Variants in HSPA14 observed in about 807,000 individuals in gnomAD.
The protein encoded by HSPA14 is heat shock 70 kDa protein 14.
A neutral mutation model predicts 65.5 loss-of-function variants in HSPA14; 37 were observed. The observed-to-expected ratio is 0.56, with a 90% CI of 0.43 to 0.74. The LOEUF is 0.74. HSPA14 is among the 30% of genes least tolerant of loss of function. The pLI, the probability that HSPA14 is intolerant of heterozygous loss-of-function variation, is 0.00. For missense variants in HSPA14, 564 were observed against 607.6 expected (o/e 0.93, Z 0.75); for synonymous variants, 203 against 214.2 (o/e 0.95, Z 0.46).
At chr10:14,865,729 TTATAG>T (rs1470782743) in intron 10 of HSPA14, among the ~76,000 whole-genome samples, 2 of 152,188 alleles carry the variant, frequency 1.3e-5, no homozygotes, top group African/African-American at 2.4e-5. Flanking sequence ...TACTGTAGCG[TTATAG>T]TATAGTTTGA....
chr10:14,861,659 T>A (rs1832750964), intron 10 of HSPA14, among the ~76,000 whole-genome samples: 1 of 152,154 alleles, frequency 6.6e-6, no homozygotes, highest in Non-Finnish European at 1.5e-5. Context: ...TTGTTCCTTT[T>A]ATTAGGGGAA....
intron 3 of HSPA14, chr10:14,846,687 A>G: frequency 3.1e-6 from 3 of 964,416 alleles, no homozygotes; most frequent in Non-Finnish European, 3.7e-6. Context: ...TGTGAGGATC[A>G]AAGGAACAGA....
chr10:14,860,524 G>C (rs1201786097), intron 10 of HSPA14, among the ~76,000 whole-genome samples: 2 of 152,158 alleles, frequency 1.3e-5, no homozygotes, highest in African/African-American at 4.8e-5. Context: ...TTTGATCAGA[G>C]TCCTGAATGA....
intron 3 of HSPA14, chr10:14,846,973 G>T: frequency 1.0e-6 from 1 of 985,368 alleles, no homozygotes; most frequent in Non-Finnish European, 1.2e-6. Context: ...TCCTGGTGTG[G>T]ACAAATAAAG....
At chr10:14,870,447 C>A in intron 12 of HSPA14, 150 bp from the exon 13 acceptor site, 1 of 779,678 alleles carries the variant, frequency 1.3e-6, no homozygotes, top group Non-Finnish European at 1.9e-6. Flanking sequence ...TCTCTGAATT[C>A]TGATTCAGTG....
chr10:14,843,795 A>C, intron 3 of HSPA14: 1 of 1,536,328 alleles, frequency 6.5e-7, no homozygotes, highest in South Asian at 1.2e-5. Flanking sequence ...CTGTCATCGC[A>C]GTCAGACGTT....
At chr10:14,862,174 CCT>C (rs1832755614) in intron 10 of HSPA14, among the ~76,000 whole-genome samples, 1 of 150,328 alleles carries the variant, frequency 6.7e-6, no homozygotes, top group Admixed American at 6.6e-5. Flanking sequence ...CTAACAGGCG[CCT>C]GCCACCACAC....
At chr10:14,848,487 A>G (rs1834081480) in intron 3 of HSPA14, 122 bp from the exon 4 acceptor site, 1 of 638,408 alleles carries the variant, frequency 1.6e-6, no homozygotes, top group Admixed American at 2.9e-5. Flanking sequence ...AAGCAGCTTA[A>G]TAACTTTGTT....
chr10:14,869,236 T>TAC (rs1832833540), intron 12 of HSPA14, among the ~76,000 whole-genome samples: 1 of 106,128 alleles, frequency 9.4e-6, no homozygotes, highest in Non-Finnish European at 2.1e-5. Context: ...CGTGTACGTG[T>TAC]GTGTGTGTGT....
At chr10:14,851,049 T>C (rs1014929771) in intron 6 of HSPA14, 170 bp from the exon 7 acceptor site, 6 of 559,300 alleles carry the variant, frequency 1.1e-5, no homozygotes, top group African/African-American at 3.8e-5. Flanking sequence ...TGATCTCTTA[T>C]AGTCATTCAT....
chr10:14,848,731 G>A, intron 4 of HSPA14, 59 bp from the exon 5 acceptor site: 2 of 1,457,122 alleles, frequency 1.4e-6, no homozygotes, highest in Non-Finnish European at 1.9e-6. Flanking sequence ...ATGTTGATTT[G>A]AAACTTTGCA....
intron 6 of HSPA14, among the ~76,000 whole-genome samples, chr10:14,850,360 T>C (rs1322279054): frequency 1.3e-5 from 2 of 152,252 alleles, no homozygotes; most frequent in African/African-American, 2.4e-5. Context: ...CCAGGTTAAA[T>C]TGACATTTAT....
chr10:14,854,199 ATTCT>A lies in HSPA14; in HGVS notation c.812_815del (p.Ser271CysfsTer41). 6.2e-7 allele frequency: 1 copy of A among 1,613,818 alleles called. No homozygotes were observed. The highest frequency in any genetic ancestry group is 8.5e-7 in the Non-Finnish European group (1 of 1,179,856). On this transcript the variant is annotated frameshift_variant, in exon 9 of 14. Coordinates refer to ENST00000378372, the MANE Select transcript of HSPA14 (RefSeq NM_016299.4). LOFTEE classifies it high-confidence loss of function. ...ACGAACAGTGCTGAAGTAGCGAAACATTCTTTGTCAACCTTGGGAAGTGCCAACT... is the reference window on the plus strand; with the variant it reads ...ACGAACAGTGCTGAAGTAGCGAAACATTGTCAACCTTGGGAAGTGCCAACT...
chr10:14,854,083 GCCCA>G (rs761426923), intron 8 of HSPA14, 38 bp from the exon 9 acceptor site: 1 of 1,503,838 alleles, frequency 6.6e-7, no homozygotes, highest in South Asian at 1.3e-5. Context: ...ATTGTAAATG[GCCCA>G]GTAATTTTAA....
At position 14,848,787 on chromosome 10, in the gene HSPA14, T is replaced by C; in HGVS notation, c.271-3T>C. On this transcript the variant is annotated splice_region_variant and splice_polypyrimidine_tract_variant and intron_variant, in intron 4 of 13. Coordinates refer to ENST00000378372, the MANE Select transcript of HSPA14 (RefSeq NM_016299.4). Reference sequence around the variant, plus strand: ...TTTAGCATAATTGTAATTTATTTTATAGGTCATTGAAAAAAATGGGAAATT... The same window carrying C: ...TTTAGCATAATTGTAATTTATTTTACAGGTCATTGAAAAAAATGGGAAATT... The C allele has an allele frequency of 1.3e-6, 2 of 1,507,646 alleles. No individual in the cohort carries two copies. Among genetic ancestry groups the C allele is most frequent in the Non-Finnish European group, 1.8e-6 (2 of 1,097,564 alleles). 93.4% of individuals were successfully genotyped at this position (1,507,646 alleles called of 1,614,324 possible). A position where few individuals can be genotyped will look rare whatever the true frequency, so the allele number is the denominator to read the frequency against.
In HSPA14 at chr10:14,867,929, C is replaced by T; in HGVS notation, c.1380+20C>T. ...GCACAGGTGAATACATAAAGTTAGACACATTAAACTGTTCAACTTTGCTTT... is the reference window on the plus strand; with the variant it reads ...GCACAGGTGAATACATAAAGTTAGATACATTAAACTGTTCAACTTTGCTTT... On this transcript the variant is annotated intron_variant, in intron 12 of 13. Transcript: ENST00000378372. 6.3e-7 allele frequency: 1 copy of T among 1,586,260 alleles called. No homozygotes were observed. Among genetic ancestry groups the T allele is most frequent in the Non-Finnish European group, 8.6e-7 (1 of 1,166,622 alleles).
intron 10 of HSPA14, 131 bp from the exon 11 acceptor site, chr10:14,866,952 A>C (rs1832811707): frequency 1.7e-6 from 1 of 597,740 alleles, no homozygotes; most frequent in African/African-American, 1.8e-5. Context: ...ATAACATAAC[A>C]TGTTAATATA....
chr10:14,840,198 C>T (rs1833955567), intron 3 of HSPA14, 41 bp downstream of exon 3: 6 of 976,214 alleles, frequency 6.1e-6, no homozygotes, highest in Non-Finnish European at 7.2e-6. Context: ...GTAATAGGAA[C>T]ATGTTCATAA....
intron 3 of HSPA14, chr10:14,844,799 G>A (rs1834027444): frequency 1.0e-6 from 1 of 985,210 alleles, no homozygotes; most frequent in Non-Finnish European, 1.2e-6. Flanking sequence ...AGTTTCGGTT[G>A]CCATTGGAAC....
Sources: gnomAD v4.1 joint callset for allele counts (sites outside exome capture counted in the v4.1 genomes callset) on GRCh38, gnomAD v4.1.1 for gene constraint, MANE v1.5 for transcripts, NCBI Gene and HGNC (gene_info 2026-07-23, HGNC 2026-07-21) for gene names.